Variants in TMEM178B observed in about 807,000 individuals in gnomAD.
The protein encoded by TMEM178B is transmembrane protein 178B.
In TMEM178B, 5 loss-of-function variants were observed where a neutral mutation model predicts 31.0. The ratio of observed to expected loss-of-function variants is 0.16; its 90% CI spans 0.08 to 0.34. The LOEUF is 0.34. Ranked by LOEUF, TMEM178B falls within the 10% of genes least tolerant of loss-of-function variation. The pLI is 1.00. For missense variants in TMEM178B, 275 were observed against 400.3 expected, an observed-to-expected ratio of 0.69 and a Z score of 2.67; for synonymous variants, 164 against 164.0, an observed-to-expected ratio of 1.00 and a Z score of 0.00.
intron 2 of TMEM178B, among the ~76,000 whole-genome samples, chr7:141,252,775 A>ATG (rs1468749707): frequency 6.6e-6 from 1 of 152,160 alleles, no homozygotes; most frequent in Non-Finnish European, 1.5e-5. Flanking sequence ...AGAAGTCTAG[A>ATG]TGTGTTGTTG....
the TMEM178B span, among the ~76,000 whole-genome samples, chr7:141,490,052 G>C: frequency 2.6e-5 from 4 of 152,280 alleles, no homozygotes; most frequent in East Asian, 7.7e-4. Flanking sequence ...GCCTATTTGG[G>C]AGTATTTGAC....
At chr7:141,420,732 C>T (rs1403127345) in intron 2 of TMEM178B, among the ~76,000 whole-genome samples, 4 of 152,138 alleles carry the variant, frequency 2.6e-5, no homozygotes, top group African/African-American at 4.8e-5. Context: ...GTACACAAAC[C>T]TGTTATCATT....
chr7:141,390,900 G>A (rs1016813735), intron 2 of TMEM178B, among the ~76,000 whole-genome samples: 13 of 152,300 alleles, frequency 8.5e-5, no homozygotes, highest in Middle Eastern at 3.4e-3. Flanking sequence ...TATTTATGGA[G>A]AATACAAACA....
At chr7:141,322,453 T>G (rs1275992933) in intron 2 of TMEM178B, among the ~76,000 whole-genome samples, 1 of 152,036 alleles carries the variant, frequency 6.6e-6, no homozygotes, top group African/African-American at 2.4e-5. Flanking sequence ...GAGAATCCCT[T>G]GATCCCGGGA....
At chr7:141,379,317 A>AG (rs1554481660) in intron 2 of TMEM178B, among the ~76,000 whole-genome samples, 1 of 151,284 alleles carries the variant, frequency 6.6e-6, no homozygotes, top group Non-Finnish European at 1.5e-5. Context: ...AAAAAAAAAA[A>AG]AAATTAAAAT....
In TMEM178B at chr7:141,136,590, G is replaced by A. The variant is rs1795679099; in HGVS notation, c.382+61898G>A. ...AAACAACACTGTGAAGAGACAACCT[G>A]TAGAATGGTAGAAAAGAATTACAAA... On this transcript the variant is annotated intron_variant, in intron 1 of 3. Coordinates refer to ENST00000565468, the MANE Select transcript of TMEM178B (RefSeq NM_001195278.2). Among the ~76,000 whole-genome samples, 3 of 152,164 alleles carry A rather than the reference G, an allele frequency of 2.0e-5. No individual in the cohort carries two copies. In the South Asian group the frequency reaches 6.2e-4, roughly 32 times the overall value.
At chr7:141,127,622 T>A (rs1053675514) in intron 1 of TMEM178B, among the ~76,000 whole-genome samples, 1 of 151,874 alleles carries the variant, frequency 6.6e-6, no homozygotes, top group African/African-American at 2.4e-5. Flanking sequence ...CTGGAAGGAG[T>A]CAGTTCTGCA....
chr7:141,409,710 G>C (rs1177165249), intron 2 of TMEM178B, among the ~76,000 whole-genome samples: 1 of 151,270 alleles, frequency 6.6e-6, no homozygotes, highest in African/African-American at 2.4e-5. Context: ...ACAAGTGCTT[G>C]TCCTTTTTGA....
chr7:141,414,418 A>C (rs955580660), intron 2 of TMEM178B: 9 of 152,476 alleles, frequency 5.9e-5, no homozygotes, highest in African/African-American at 2.2e-4. Flanking sequence ...GTAATAGCTC[A>C]TAATGTGAGT....
chr7:141,385,176 T>G (rs146156866), intron 2 of TMEM178B, among the ~76,000 whole-genome samples: 7 of 152,342 alleles, frequency 4.6e-5, no homozygotes, highest in African/African-American at 1.7e-4. Context: ...TTCGTATTTT[T>G]CCAGATAAAT....
intron 2 of TMEM178B, among the ~76,000 whole-genome samples, chr7:141,319,052 G>GCAAAGTA (rs1316112330): frequency 6.6e-6 from 1 of 152,154 alleles, no homozygotes; most frequent in Non-Finnish European, 1.5e-5. Context: ...CTCCAAAAAA[G>GCAAAGTA]CAAAGTACAA....
intron 2 of TMEM178B, among the ~76,000 whole-genome samples, chr7:141,353,788 ATAAATAT>A (rs1346648597): frequency 6.6e-6 from 1 of 152,250 alleles, no homozygotes; most frequent in Non-Finnish European, 1.5e-5. Flanking sequence ...CTAGTACTTA[ATAAATAT>A]TAATGGAATG....
chr7:141,364,587 G>A (rs934260816), intron 2 of TMEM178B, among the ~76,000 whole-genome samples: 1 of 150,536 alleles, frequency 6.6e-6, no homozygotes, highest in Admixed American at 6.7e-5. Context: ...TTGAACCCAG[G>A]AGGGAGAGGT....
chr7:141,231,323 A>AAC (rs1159975381), intron 2 of TMEM178B, among the ~76,000 whole-genome samples: 1 of 151,786 alleles, frequency 6.6e-6, no homozygotes, highest in Non-Finnish European at 1.5e-5. Context: ...GAAAAAAAAA[A>AAC]AACACGACAA....
chr7:141,200,685 G>A (rs915541585), intron 1 of TMEM178B, among the ~76,000 whole-genome samples: 10 of 152,150 alleles, frequency 6.6e-5, no homozygotes, highest in African/African-American at 2.4e-4. Flanking sequence ...TTTGGATACG[G>A]TTCTTAGACA....
chr7:141,391,290 C>T (rs370762825), intron 2 of TMEM178B, among the ~76,000 whole-genome samples: 29 of 152,102 alleles, frequency 1.9e-4, no homozygotes, highest in Admixed American at 5.9e-4. Flanking sequence ...CTCAGCCTCC[C>T]GAGTAGCTGG....
chr7:141,491,546 G>A, the TMEM178B span, among the ~76,000 whole-genome samples: 3 of 152,062 alleles, frequency 2.0e-5, no homozygotes, highest in African/African-American at 4.8e-5. Context: ...ACCTGAAATT[G>A]GGCAGTTTGA....
In TMEM178B at chr7:141,093,892, A is replaced by ACCAACATGGGT. The variant is rs565761516; in HGVS notation, c.382+19204_382+19205insCATGGGTCCAA. On this transcript the variant is annotated intron_variant, in intron 1 of 3. Transcript: ENST00000565468. ...TTTCAGTGTTGGGGGTAAAAACTTGACCAAGAGTGAATGGAAGGAGAGGAA... is the reference window on the plus strand; with the variant it reads ...TTTCAGTGTTGGGGGTAAAAACTTGACCAACATGGGTCCAAGAGTGAATGGAAGGAGAGGAA... 1.1e-4 allele frequency among the ~76,000 whole-genome samples: 16 copies of ACCAACATGGGT among 152,310 alleles called. No homozygotes were observed. The South Asian group carries it at 1.5e-3, about 14-fold the overall frequency.
intron 1 of TMEM178B, among the ~76,000 whole-genome samples, chr7:141,096,766 A>C (rs377547067): frequency 6.6e-6 from 1 of 152,166 alleles, no homozygotes; most frequent in Non-Finnish European, 1.5e-5. Context: ...CCAAAAGGGG[A>C]TCATGGGAAC....
Sources: gnomAD v4.1 joint callset for allele counts (sites outside exome capture counted in the v4.1 genomes callset) on GRCh38, gnomAD v4.1.1 for gene constraint, MANE v1.5 for transcripts, NCBI Gene and HGNC (gene_info 2026-07-23, HGNC 2026-07-21) for gene names.